The following NDUFS1 variants were observed in gnomAD, a reference collection of about 807,000 sequenced individuals.
NDUFS1 encodes the protein NADH-ubiquinone oxidoreductase 75 kDa subunit, mitochondrial.
In NDUFS1, 61 loss-of-function variants were observed where a neutral mutation model predicts 84.4. That is an observed-to-expected ratio of 0.72 (90% CI 0.59 to 0.89). NDUFS1 has a LOEUF of 0.89. Among genes scored for constraint, NDUFS1 ranks in the 40% least tolerant of loss-of-function variants. NDUFS1 has a pLI of 0.00. For synonymous variants in NDUFS1, 275 were observed against 290.0 expected (o/e 0.95, Z 0.53); for missense variants, 891 against 890.0 (o/e 1.00, Z -0.01).
At chr2:206,135,604 G>C (rs1191197985) in intron 13 of NDUFS1, among the ~76,000 whole-genome samples, 1 of 151,874 alleles carries the variant, frequency 6.6e-6, no homozygotes, top group East Asian at 2.0e-4. Context: ...CTGGCAGACT[G>C]AGGTTGCAGT....
At chr2:206,146,832 G>A in intron 8 of NDUFS1, 71 bp downstream of exon 8, 1 of 1,430,726 alleles carries the variant, frequency 7.0e-7, no homozygotes, top group Non-Finnish European at 9.8e-7. Context: ...GGAAGAAAAT[G>A]AACCTTAATA....
In NDUFS1 at chr2:206,132,172, A is replaced by T. The variant is rs549990838; in HGVS notation, c.1553+773T>A. Among the ~76,000 whole-genome samples, 5 of 152,156 alleles carry T rather than the reference A, an allele frequency of 3.3e-5. No homozygotes were observed. The South Asian group carries it at 1.0e-3, about 32-fold the overall frequency. Reference sequence around the variant, plus strand: ...ACGCAGGGTAAAGAAAAAAACTAGAAGAAAATGCATGAAAATAGTAATAAT... The same window carrying T: ...ACGCAGGGTAAAGAAAAAAACTAGATGAAAATGCATGAAAATAGTAATAAT... On this transcript the variant is annotated intron_variant, in intron 14 of 18. Transcript: ENST00000233190.
rs2105983883 is a variant in NDUFS1, at chr2:206,153,634, C to T, written c.45G>A (p.Lys15=). Residue 15 remains lysine (K), a synonymous_variant, in exon 2 of 19, where the codon AAG becomes AAA. Coordinates refer to ENST00000233190, the MANE Select transcript of NDUFS1 (RefSeq NM_005006.7). ...AATACTCACCACATCCTTTAGGAGA[C>T]TTAGAAAGGCCTACTAAGGCCTTTC... ...PVRKALVGLS[K]SPKGCVRTTA... is the part of the protein sequence containing the mutation. 6.5e-7 allele frequency: 1 copy of T among 1,547,104 alleles called. No individual in the cohort carries two copies. The highest frequency in any genetic ancestry group is 2.2e-5 in the East Asian group (1 of 44,496).
At chr2:206,140,705 C>T (rs1335080489) in intron 12 of NDUFS1, among the ~76,000 whole-genome samples, 1 of 151,902 alleles carries the variant, frequency 6.6e-6, no homozygotes, top group African/African-American at 2.4e-5. Flanking sequence ...TCTCAAACTC[C>T]TGACCTCAGG....
In NDUFS1 at chr2:206,120,027, T is replaced by C. The variant is rs1691054041; in HGVS notation, c.*4158A>G. ...TCTTAGTTCATGTGAAATTTGGTTG[T>C]TTAGAGTCTGGGACCTCCTCCTCTC... is the stretch of plus-strand genomic sequence containing the variant. On this transcript the variant is annotated 3_prime_UTR_variant, in exon 19 of 19. Transcript: ENST00000233190. 1.3e-5 allele frequency: 2 copies of C among 152,084 alleles called. No homozygotes were observed. Among genetic ancestry groups the C allele is most frequent in the Admixed American group, 1.3e-4 (2 of 15,230 alleles). 9.4% of individuals were successfully genotyped at this position (152,084 alleles called of 1,614,324 possible).
At chr2:206,148,144 C>T (rs569447202) in intron 5 of NDUFS1, among the ~76,000 whole-genome samples, 5 of 152,130 alleles carry the variant, frequency 3.3e-5, no homozygotes, top group African/African-American at 7.2e-5. Context: ...AGGCTGGTCT[C>T]GAACTCCTGA....
chr2:206,154,381 T>C (rs1687548145), intron 1 of NDUFS1, among the ~76,000 whole-genome samples: 1 of 152,222 alleles, frequency 6.6e-6, no homozygotes. Flanking sequence ...AACACACTGT[T>C]GTCACAAACA....
In NDUFS1 at chr2:206,126,744, G is replaced by C. The variant is rs1211672450; in HGVS notation, c.1985C>G (p.Ala662Gly). 9 of 1,614,136 alleles carry C rather than the reference G, an allele frequency of 5.6e-6. No homozygotes were observed. The highest frequency in any genetic ancestry group is 7.6e-6 in the Non-Finnish European group (9 of 1,180,022). Residue 662 changes from alanine to glycine, a missense_variant, in exon 17 of 19, where the codon GCT (alanine) becomes GGT (glycine). Coordinates refer to ENST00000233190, the MANE Select transcript of NDUFS1 (RefSeq NM_005006.7). ...NLVRYDDIEG[A>G]NYFQQANELS... Reference sequence around the variant, plus strand: ...CTCATTTGCTTGCTGGAAGTAATTAGCCCCTTCAATATCATCATATCGAAC... The same window carrying C: ...CTCATTTGCTTGCTGGAAGTAATTACCCCCTTCAATATCATCATATCGAAC...
intron 1 of NDUFS1, among the ~76,000 whole-genome samples, chr2:206,156,781 T>C (rs776260661): frequency 6.6e-6 from 1 of 152,228 alleles, no homozygotes; most frequent in Admixed American, 6.5e-5. Flanking sequence ...GATACTGAAA[T>C]TGCAAATATC....
At chr2:206,146,827 A>G in intron 8 of NDUFS1, 76 bp downstream of exon 8, 2 of 1,413,548 alleles carry the variant, frequency 1.4e-6, no homozygotes, top group Non-Finnish European at 2.0e-6. Context: ...ACCCAGGAAG[A>G]AAATGAACCT....
chr2:206,132,912 A>G (rs1193238449), intron 14 of NDUFS1, 33 bp downstream of exon 14: 2 of 1,578,596 alleles, frequency 1.3e-6, no homozygotes, highest in Admixed American at 1.7e-5. Context: ...CATTACTTGA[A>G]TTTATAGTAT....
intron 3 of NDUFS1, among the ~76,000 whole-genome samples, chr2:206,150,951 C>T (rs977811555): frequency 6.6e-6 from 1 of 151,724 alleles, no homozygotes; most frequent in East Asian, 1.9e-4. Flanking sequence ...AAGTTCTGTA[C>T]GACGGGGGAA....
In NDUFS1 at chr2:206,115,545, AAT is replaced by A; in HGVS notation, c.*8638_*8639del. ...CTGGCCTCCAGAATTGTAAGAAGTAAATTTTTTTTTTTTTTAACGAAGAAGTG... is the reference window on the plus strand; with the variant it reads ...CTGGCCTCCAGAATTGTAAGAAGTAATTTTTTTTTTTTTAACGAAGAAGTG... On this transcript the variant is annotated 3_prime_UTR_variant, in exon 19 of 19. Coordinates refer to ENST00000233190, the MANE Select transcript of NDUFS1 (RefSeq NM_005006.7). 5.4e-6 allele frequency: 1 copy of A among 186,180 alleles called. No homozygotes were observed. The highest frequency in any genetic ancestry group is 1.1e-5 in the Non-Finnish European group (1 of 92,148). 11.5% of individuals were successfully genotyped at this position (186,180 alleles called of 1,614,324 possible).
rs143195878 is a variant in NDUFS1, at chr2:206,155,511, A to C, written c.-4-1829T>G. Among the ~76,000 whole-genome samples, 482 of 150,932 alleles carry C rather than the reference A, an allele frequency of 3.2e-3. 4 individuals carry two copies. The East Asian group carries it at 0.044, about 14-fold the overall frequency. On this transcript the variant is annotated intron_variant, in intron 1 of 18. Transcript: ENST00000233190. ...AAGATCTCGGCTCACTGCAACCTCC[A>C]CCTCCCAGGTTCAAGCAATTCTCAG...
At position 206,144,983 on chromosome 2, in the gene NDUFS1, T is replaced by G; in HGVS notation, c.781A>C (p.Ile261Leu). ...TCTCCAGTTCTTGTGCTAACCACAA[T>G]ATTACTTCCAACCGCATCCATTACA... ...IDVMDAVGSNIVVSTRTGEVM... is the reference protein window; with the variant it reads ...IDVMDAVGSNLVVSTRTGEVM... The change falls in exon 9 of 19, where the codon ATT becomes CTT. Residue 261 changes from isoleucine to leucine, a missense_variant. By Grantham distance (5) the Ile-to-Leu change is conservative. Coordinates refer to ENST00000233190, the MANE Select transcript of NDUFS1 (RefSeq NM_005006.7). 1 of 1,614,074 alleles carries G rather than the reference T, an allele frequency of 6.2e-7. No homozygotes were observed. Among genetic ancestry groups the G allele is most frequent in the Non-Finnish European group, 8.5e-7 (1 of 1,179,952 alleles).
At chr2:206,159,222 G>A (rs930563316) in intron 1 of NDUFS1, 119 bp downstream of exon 1, 7 of 1,354,116 alleles carry the variant, frequency 5.2e-6, no homozygotes, top group Non-Finnish European at 7.1e-6. Context: ...CGGGGCGGGA[G>A]GCGGCGCCCA....
At position 206,151,112 on chromosome 2, in the gene NDUFS1, C is replaced by T. The variant is rs1022229626; in HGVS notation, c.154-1187G>A. Among the ~76,000 whole-genome samples the T allele has an allele frequency of 9.2e-5, 14 of 152,024 alleles. No individual in the cohort carries two copies. In the East Asian group the frequency reaches 2.3e-3, roughly 25 times the overall value. On this transcript the variant is annotated intron_variant, in intron 3 of 18. Transcript: ENST00000233190. Reference sequence around the variant, plus strand: ...ATAATACAAAATGCTTTTTCCTTGTCTCTTATTCCAGTCTTGCTATTCTCC... The same window carrying T: ...ATAATACAAAATGCTTTTTCCTTGTTTCTTATTCCAGTCTTGCTATTCTCC...
At position 206,128,375 on chromosome 2, in the gene NDUFS1, C is replaced by T. The variant is rs555608751; in HGVS notation, c.1709-403G>A. The stretch of plus-strand genomic sequence containing the variant: ...AGAGACAGGGTTTCACCGTGTTTAG[C>T]CAGGATGGTCTTGATCTCCTGACCT... On this transcript the variant is annotated intron_variant, in intron 15 of 18. Transcript: ENST00000233190. Among the ~76,000 whole-genome samples, 154 of 151,800 alleles carry T rather than the reference C, an allele frequency of 1.0e-3. 1 individual carries two copies. Among genetic ancestry groups the T allele is most frequent in the African/African-American group, 3.4e-3 (143 of 41,500 alleles).
chr2:206,144,884 G>A lies in NDUFS1; in HGVS notation c.872+8C>T. Reference sequence around the variant, plus strand: ...TGTAAAAGTTAAGGAAAACAATATAGCATATACCTGGTTTTATCAGAGATC... The same window carrying A: ...TGTAAAAGTTAAGGAAAACAATATAACATATACCTGGTTTTATCAGAGATC... On this transcript the variant is annotated splice_region_variant and intron_variant, in intron 9 of 18. Transcript: ENST00000233190. The A allele has an allele frequency of 6.2e-7, 1 of 1,613,248 alleles. No individual in the cohort carries two copies. Among genetic ancestry groups the A allele is most frequent in the Non-Finnish European group, 8.5e-7 (1 of 1,179,508 alleles).
Sources: gnomAD v4.1 joint callset for allele counts (sites outside exome capture counted in the v4.1 genomes callset) on GRCh38, gnomAD v4.1.1 for gene constraint, MANE v1.5 for transcripts, NCBI Gene and HGNC (gene_info 2026-07-23, HGNC 2026-07-21) for gene names.